THSD4: variants seen among roughly 807,000 people sequenced by gnomAD.
THSD4 encodes the protein thrombospondin type-1 domain-containing protein 4.
In THSD4, 69 loss-of-function variants were observed where a neutral mutation model predicts 119.0. The observed-to-expected ratio is 0.58, with a 90% CI of 0.48 to 0.71. THSD4 has a LOEUF of 0.71. Among genes scored for constraint, THSD4 ranks in the 30% least tolerant of loss-of-function variants. THSD4 has a pLI of 0.00. For synonymous variants in THSD4, 524 were observed against 540.4 expected, an observed-to-expected ratio of 0.97 and a Z score of 0.42; for missense variants, 1,393 against 1,391.1, an observed-to-expected ratio of 1.00 and a Z score of -0.02.
intron 6 of THSD4, among the ~76,000 whole-genome samples, chr15:71,380,673 A>T (rs1447331261): frequency 1.3e-5 from 2 of 152,046 alleles, no homozygotes; most frequent in African/African-American, 4.8e-5. Context: ...TTTTGATGGC[A>T]ATCAAGGGAC....
intron 7 of THSD4, among the ~76,000 whole-genome samples, chr15:71,550,530 G>A (rs570885749): frequency 2.0e-5 from 3 of 152,274 alleles, no homozygotes; most frequent in South Asian, 2.1e-4. Context: ...TCCGCCTCCC[G>A]GGTTCACGCC....
chr15:71,450,987 G>A (rs1306097898), intron 7 of THSD4, among the ~76,000 whole-genome samples: 1 of 152,162 alleles, frequency 6.6e-6, no homozygotes, highest in Non-Finnish European at 1.5e-5. Context: ...AGACCAGCCT[G>A]GTCAACATGG....
chr15:71,636,068 A>T (rs2050732993), intron 7 of THSD4, among the ~76,000 whole-genome samples: 1 of 152,176 alleles, frequency 6.6e-6, no homozygotes, highest in African/African-American at 2.4e-5. Flanking sequence ...CTAGAGTTTC[A>T]TCCAGATTCT....
intron 6 of THSD4, among the ~76,000 whole-genome samples, chr15:71,272,181 T>A (rs1304830301): frequency 1.3e-5 from 2 of 151,762 alleles, no homozygotes; most frequent in Non-Finnish European, 2.9e-5. Flanking sequence ...GGCGGGCAGA[T>A]CACGAGGTCA....
intron 2 of THSD4, among the ~76,000 whole-genome samples, chr15:71,146,539 T>C (rs1158132023): frequency 6.6e-6 from 1 of 152,192 alleles, no homozygotes; most frequent in Non-Finnish European, 1.5e-5. Context: ...ACAAATGTTC[T>C]TTCTTCTTGT....
chr15:71,774,738 C>T (rs898872009), intron 17 of THSD4, among the ~76,000 whole-genome samples: 5 of 150,652 alleles, frequency 3.3e-5, no homozygotes, highest in African/African-American at 7.4e-5. Context: ...TGAACAGTCA[C>T]GGCACCTCAG....
chr15:71,642,518 C>T (rs1483997142), intron 7 of THSD4, among the ~76,000 whole-genome samples: 2 of 152,130 alleles, frequency 1.3e-5, no homozygotes, highest in East Asian at 1.9e-4. Flanking sequence ...TATTGTGGCT[C>T]TATTCACAAT....
chr15:71,111,977 A>C (rs139883238), upstream of THSD4: 2 of 808,744 alleles, frequency 2.5e-6, no homozygotes, highest in Admixed American at 5.7e-5. Flanking sequence ...GCTTATAAGT[A>C]AGAAAACTGT....
At position 71,173,575 on chromosome 15, in the gene THSD4, T is replaced by C. The variant is rs1334623291; in HGVS notation, c.99+18643T>C. The stretch of plus-strand genomic sequence containing the variant: ...ACCTACACACACACACACATATATA[T>C]ATATATATATATACATTTTTATATA... On this transcript the variant is annotated intron_variant, in intron 3 of 17. Transcript: ENST00000261862. Among the ~76,000 whole-genome samples the C allele has an allele frequency of 1.5e-4, 23 of 148,478 alleles. No individual in the cohort carries two copies. In the South Asian group the frequency reaches 1.7e-3, roughly 11 times the overall value.
intron 7 of THSD4, among the ~76,000 whole-genome samples, chr15:71,412,572 A>T (rs954494861): frequency 6.6e-6 from 1 of 152,188 alleles, no homozygotes; most frequent in Non-Finnish European, 1.5e-5. Context: ...CCAAACGAAG[A>T]GTCTCTCTTA....
intron 7 of THSD4, among the ~76,000 whole-genome samples, chr15:71,570,542 G>A (rs2049330742): frequency 6.6e-6 from 1 of 152,104 alleles, no homozygotes; most frequent in African/African-American, 2.4e-5. Flanking sequence ...AAGTAGTTGG[G>A]ACTCCAGGTG....
rs557935501 is a variant in THSD4 at position 71,362,744 on chromosome 15, C to T, written c.1016-48943C>T. On this transcript the variant is annotated intron_variant, in intron 6 of 17. Coordinates refer to ENST00000261862, the MANE Select transcript of THSD4 (RefSeq NM_024817.3). ...GCCGACAGTGAGTTCCGTTTTCGTC[C>T]GCACGCAGCACTCCCACCCTAATTT... 9.8e-4 allele frequency among the ~76,000 whole-genome samples: 149 copies of T among 152,232 alleles called. 4 individuals are homozygous for T. The South Asian group carries it at 0.027, about 27-fold the overall frequency.
chr15:71,505,976 T>G (rs565326653), intron 7 of THSD4, among the ~76,000 whole-genome samples: 8 of 152,342 alleles, frequency 5.3e-5, no homozygotes. Context: ...TGTAAAGTGG[T>G]AAAATGGTGT....
At chr15:71,600,192 C>G (rs2049980256) in intron 7 of THSD4, among the ~76,000 whole-genome samples, 1 of 151,962 alleles carries the variant, frequency 6.6e-6, no homozygotes, top group African/African-American at 2.4e-5. Context: ...GACTTACTCA[C>G]TCAGAAAGCT....
At chr15:71,688,153 A>T (rs1336527419) in intron 8 of THSD4, among the ~76,000 whole-genome samples, 3 of 152,262 alleles carry the variant, frequency 2.0e-5, no homozygotes, top group Non-Finnish European at 2.9e-5. Flanking sequence ...CATGCTCTGC[A>T]TGCAATAAAG....
intron 7 of THSD4, among the ~76,000 whole-genome samples, chr15:71,437,918 T>C (rs1331446205): frequency 6.6e-6 from 1 of 152,246 alleles, no homozygotes. Flanking sequence ...TTATTAGTTT[T>C]CATTTGCATT....
intron 7 of THSD4, among the ~76,000 whole-genome samples, chr15:71,459,668 A>G (rs910678292): frequency 6.6e-6 from 1 of 152,200 alleles, no homozygotes; most frequent in Non-Finnish European, 1.5e-5. Flanking sequence ...ATGACCCAGA[A>G]CCCTCATATT....
intron 7 of THSD4, among the ~76,000 whole-genome samples, chr15:71,580,958 C>T (rs2049547789): frequency 6.6e-6 from 1 of 151,998 alleles, no homozygotes. Flanking sequence ...ATCCATTCAT[C>T]CATCAATGGA....
intron 11 of THSD4, among the ~76,000 whole-genome samples, chr15:71,742,126 A>T (rs74022417): frequency 0.056 from 8,525 of 152,248 alleles, 252 homozygotes; most frequent in South Asian, 0.12. Flanking sequence ...TTGTGATCCC[A>T]TTGTGTATTT....
Sources: allele counts gnomAD v4.1 joint callset (sites outside exome capture counted in the v4.1 genomes callset), GRCh38; gene constraint gnomAD v4.1.1; transcripts MANE v1.5; gene names NCBI Gene and HGNC (gene_info 2026-07-23, HGNC 2026-07-21).